The following TCEANC2 variants were observed in gnomAD, a reference collection of about 807,000 sequenced individuals.
TCEANC2 encodes transcription elongation factor A N-terminal and central domain containing 2.
TCEANC2 carries 20 observed loss-of-function variants against 22.8 expected under a neutral mutation model. The observed-to-expected ratio is 0.88, with a 90% CI of 0.62 to 1.28. The LOEUF (loss-of-function observed/expected upper bound fraction) is 1.28. Among genes scored for constraint, TCEANC2 ranks in the 50% most tolerant of loss-of-function variants. TCEANC2 has a pLI of 0.00. For synonymous variants in TCEANC2, 84 were observed against 95.5 expected, an observed-to-expected ratio of 0.88 and a Z score of 0.70; for missense variants, 251 against 249.7, an observed-to-expected ratio of 1.01 and a Z score of -0.03.
intron 2 of TCEANC2, among the ~76,000 whole-genome samples, chr1:54,063,363 A>G (rs1261959106): frequency 1.3e-5 from 2 of 152,208 alleles, no homozygotes; most frequent in African/African-American, 4.8e-5. Context: ...TCTTATTACC[A>G]TGCATGAATA....
intron 2 of TCEANC2, among the ~76,000 whole-genome samples, chr1:54,063,407 T>C (rs1657893123): frequency 6.6e-6 from 1 of 152,182 alleles, no homozygotes; most frequent in Non-Finnish European, 1.5e-5. Context: ...CTGTAGGGGA[T>C]TGGTTCCAGG....
At chr1:54,108,476 A>G (rs1015113016), downstream of TCEANC2, among the ~76,000 whole-genome samples, 4 of 152,258 alleles carry the variant, frequency 2.6e-5, no homozygotes, top group East Asian at 7.7e-4. Context: ...GACAGCACAC[A>G]GACCATGTGA....
At chr1:54,054,256 G>A in intron 1 of TCEANC2, 125 bp from the exon 2 acceptor site, 1 of 1,445,022 alleles carries the variant, frequency 6.9e-7, no homozygotes, top group East Asian at 2.6e-5. Context: ...CTTACTTCCT[G>A]TCAATTCCAC....
chr1:54,082,787 C>T (rs755161058), intron 3 of TCEANC2, among the ~76,000 whole-genome samples: 4 of 152,058 alleles, frequency 2.6e-5, no homozygotes, highest in African/African-American at 7.2e-5. Context: ...AGTTTTAATG[C>T]TATGTTAGAA....
At chr1:54,084,298 C>G (rs2100377814) in intron 3 of TCEANC2, among the ~76,000 whole-genome samples, 1 of 152,306 alleles carries the variant, frequency 6.6e-6, no homozygotes, top group South Asian at 2.1e-4. Flanking sequence ...CAGACGCTAG[C>G]TGCTGCACCC....
chr1:54,074,115 G>A (rs983345265), intron 3 of TCEANC2, among the ~76,000 whole-genome samples: 9 of 152,196 alleles, frequency 5.9e-5, no homozygotes, highest in Admixed American at 5.2e-4. Context: ...AGGAAAGATT[G>A]TAACTATATA....
chr1:54,097,004 T>G lies in TCEANC2; in HGVS notation c.*531T>G. 1 of 985,676 alleles carries G rather than the reference T, an allele frequency of 1.0e-6. No individual in the cohort carries two copies. Among genetic ancestry groups the G allele is most frequent in the Non-Finnish European group, 1.2e-6 (1 of 829,764 alleles). The allele number at this position is 985,676 out of a possible 1,614,324, so 61.1% of individuals were successfully genotyped here. On this transcript the variant is annotated 3_prime_UTR_variant, in exon 5 of 5. Transcript: ENST00000234827. ...ACTACCCCTTCTTCCCAGAGCTCAC[T>G]TATCTGAACGTTTCAGCTCTCCCTG...
chr1:54,088,485 T>A (rs1216597930), intron 3 of TCEANC2, 112 bp from the exon 4 acceptor site: 6 of 785,960 alleles, frequency 7.6e-6, no homozygotes, highest in Non-Finnish European at 1.2e-5. Flanking sequence ...AGTCTTTACA[T>A]CCTTGGGTGT....
intron 4 of TCEANC2, among the ~76,000 whole-genome samples, chr1:54,093,951 GCCAGCTAGCCACCTTT>G (rs1658495423): frequency 6.6e-6 from 1 of 152,194 alleles, no homozygotes; most frequent in Non-Finnish European, 1.5e-5. Flanking sequence ...ATGCTGGATA[GCCAGCTAGCCACCTTT>G]CCAGCTTCCT....
At chr1:54,106,375 G>A (rs1396600770), downstream of TCEANC2, among the ~76,000 whole-genome samples, 2 of 152,076 alleles carry the variant, frequency 1.3e-5, no homozygotes, top group African/African-American at 2.4e-5. Flanking sequence ...TAATTTTCCA[G>A]TAGCCACATA....
intron 4 of TCEANC2, chr1:54,090,074 C>T: frequency 1.5e-6 from 1 of 651,192 alleles, no homozygotes; most frequent in South Asian, 1.6e-5. Flanking sequence ...GCAGGGTCAC[C>T]CCAAAGGAAT....
At chr1:54,087,198 T>C (rs1658354017) in intron 3 of TCEANC2, among the ~76,000 whole-genome samples, 1 of 152,222 alleles carries the variant, frequency 6.6e-6, no homozygotes, top group Non-Finnish European at 1.5e-5. Context: ...TTTTAAACTT[T>C]TAGTTTTAAG....
rs1175402973 is a variant in TCEANC2, at chr1:54,096,724, G to A, written c.*251G>A. On this transcript the variant is annotated 3_prime_UTR_variant, in exon 5 of 5. Coordinates refer to ENST00000234827, the MANE Select transcript of TCEANC2 (RefSeq NM_153035.3). The surrounding 1 kb of genome is among the most constrained non-coding windows in gnomAD (Gnocchi z 4.9). Reference sequence around the variant, plus strand: ...TGGCTGTCACTAGGAAGCGCCATACGGTTGCTATCACCCAACATGGTGAAA... The same window carrying A: ...TGGCTGTCACTAGGAAGCGCCATACAGTTGCTATCACCCAACATGGTGAAA... The A allele has an allele frequency of 3.3e-6, 4 of 1,200,794 alleles. No homozygotes were observed. Among genetic ancestry groups the A allele is most frequent in the Non-Finnish European group, 4.2e-6 (4 of 956,930 alleles). 74.4% of individuals were successfully genotyped at this position (1,200,794 alleles called of 1,614,324 possible).
chr1:54,094,485 T>C (rs1456837078), intron 4 of TCEANC2, among the ~76,000 whole-genome samples: 1 of 152,218 alleles, frequency 6.6e-6, no homozygotes, highest in Non-Finnish European at 1.5e-5. Context: ...AGGTCTCAGA[T>C]TAAACTTCAT....
At chr1:54,081,685 T>G (rs1658248480) in intron 3 of TCEANC2, among the ~76,000 whole-genome samples, 1 of 152,004 alleles carries the variant, frequency 6.6e-6, no homozygotes, top group South Asian at 2.1e-4. Flanking sequence ...GTTAGTCCTC[T>G]TTGGAAATTC....
At chr1:54,090,085 G>A (rs2100382672) in intron 4 of TCEANC2, 1 of 618,896 alleles carries the variant, frequency 1.6e-6, no homozygotes, top group Admixed American at 2.2e-5. Flanking sequence ...CCAAAGGAAT[G>A]GAGAGATCAG....
rs1658553155 is a variant in TCEANC2 at position 54,096,394 on chromosome 1, A to T, written c.548A>T (p.Lys183Met). The change falls in exon 5 of 5, where the codon AAG becomes ATG. Residue 183 changes from lysine (K) to methionine (M), a missense_variant. Lys to Met is a moderately conservative substitution (Grantham distance 95). Coordinates refer to ENST00000234827, the MANE Select transcript of TCEANC2 (RefSeq NM_153035.3). This position sits in a 1 kb window ranked among gnomAD's most constrained non-coding sequence, Gnocchi z 4.9. ...RTVRALVFTL[K>M]HRAEIRAQVK... The stretch of plus-strand genomic sequence containing the variant: ...GTGAGAGCCCTGGTCTTCACATTAA[A>T]GCACCGAGCTGAAATCCGGGCTCAG... 6.2e-7 allele frequency: 1 copy of T among 1,613,676 alleles called. No individual in the cohort carries two copies. Among genetic ancestry groups the T allele is most frequent in the Non-Finnish European group, 8.5e-7 (1 of 1,179,538 alleles).
At chr1:54,086,824 T>C (rs1278295552) in intron 3 of TCEANC2, among the ~76,000 whole-genome samples, 1 of 152,182 alleles carries the variant, frequency 6.6e-6, no homozygotes, top group Non-Finnish European at 1.5e-5. Flanking sequence ...GGTACCAAAC[T>C]TAGCTGGAGA....
chr1:54,073,687 T>C (rs1658097812), intron 3 of TCEANC2, among the ~76,000 whole-genome samples: 1 of 152,200 alleles, frequency 6.6e-6, no homozygotes, highest in Non-Finnish European at 1.5e-5. Flanking sequence ...AGGAATGACA[T>C]ATTCAGTTTA....
Sources: allele counts gnomAD v4.1 joint callset (sites outside exome capture counted in the v4.1 genomes callset), GRCh38; gene constraint gnomAD v4.1.1; non-coding constraint Gnocchi (gnomAD v3.1); transcripts MANE v1.5; gene names NCBI Gene and HGNC (gene_info 2026-07-23, HGNC 2026-07-21).